SORBS2: variants seen among roughly 807,000 people sequenced by gnomAD.
The protein encoded by SORBS2 is sorbin and SH3 domain-containing protein 2.
In SORBS2, 46 loss-of-function variants were observed where a neutral mutation model predicts 97.7. The observed-to-expected ratio is 0.47, with a 90% CI of 0.37 to 0.60. The LOEUF (loss-of-function observed/expected upper bound fraction) is 0.60. Ranked by LOEUF, SORBS2 falls within the 20% of genes least tolerant of loss-of-function variation. The pLI is 0.00. For missense variants in SORBS2, 1,316 were observed against 1,282.3 expected (o/e 1.03, Z -0.40); for synonymous variants, 476 against 473.4 (o/e 1.01, Z -0.07).
At chr4:185,668,024 CT>C (rs1319462002) in intron 4 of SORBS2, among the ~76,000 whole-genome samples, 1 of 152,108 alleles carries the variant, frequency 6.6e-6, no homozygotes, top group Non-Finnish European at 1.5e-5. Context: ...ATACGAATCT[CT>C]TTTTAGTTTT....
intron 2 of SORBS2, among the ~76,000 whole-genome samples, chr4:185,711,090 C>T (rs1217942076): frequency 6.6e-6 from 1 of 152,130 alleles, no homozygotes; most frequent in African/African-American, 2.4e-5. Context: ...CCACCTCAGC[C>T]TCTTGAGTAG....
chr4:185,714,302 C>T (rs1583280289), intron 2 of SORBS2, among the ~76,000 whole-genome samples: 2 of 152,208 alleles, frequency 1.3e-5, no homozygotes, highest in African/African-American at 2.4e-5. Context: ...TTCAGCTTCA[C>T]GTCATCCCAT....
chr4:185,670,338 T>C (rs1319284900), intron 4 of SORBS2, among the ~76,000 whole-genome samples: 1 of 152,188 alleles, frequency 6.6e-6, no homozygotes, highest in African/African-American at 2.4e-5. Context: ...TTAAACATTC[T>C]AGGAAAAAGC....
At chr4:185,649,035 G>T (rs190724949) in intron 3 of SORBS2, among the ~76,000 whole-genome samples, 2 of 152,288 alleles carry the variant, frequency 1.3e-5, no homozygotes, top group Admixed American at 1.3e-4. Context: ...GTAGAAACAA[G>T]TCACAGACAC....
intron 1 of SORBS2, among the ~76,000 whole-genome samples, chr4:185,804,841 G>C (rs1451220754): frequency 6.6e-6 from 1 of 151,612 alleles, no homozygotes; most frequent in African/African-American, 2.4e-5. Context: ...TATTTTGATT[G>C]ACTGTGTAAG....
At chr4:185,719,300 A>G (rs1318262790) in intron 2 of SORBS2, among the ~76,000 whole-genome samples, 1 of 152,224 alleles carries the variant, frequency 6.6e-6, no homozygotes, top group Non-Finnish European at 1.5e-5. Context: ...TGAGGTAATC[A>G]GACTTGCCGG....
Position 185,671,846 on chromosome 4 carries a change from C to A in SORBS2, c.-46+6577G>T, listed in dbSNP as rs575213203. 4.6e-5 allele frequency among the ~76,000 whole-genome samples: 7 copies of A among 152,360 alleles called. No homozygotes were observed. In the South Asian group the frequency reaches 1.5e-3, roughly 32 times the overall value. ...ACTGGACTGCTGCCTTGGAATGTAA[C>A]TGAGCTCTTCATTAAGTGTATTCAG... On this transcript the variant is annotated intron_variant, in intron 4 of 20. Coordinates refer to the SORBS2 transcript ENST00000284776.
chr4:185,902,658 G>C (rs1211933977), intron 1 of SORBS2, among the ~76,000 whole-genome samples: 2 of 148,304 alleles, frequency 1.3e-5, no homozygotes, highest in Non-Finnish European at 3.0e-5. Flanking sequence ...GTGTGAGGAA[G>C]AGGTTAGAGA....
chr4:185,661,278 A>G (rs1214700023), upstream of SORBS2, among the ~76,000 whole-genome samples: 1 of 56,090 alleles, frequency 1.8e-5, no homozygotes, highest in Non-Finnish European at 5.5e-5. Context: ...TCCATCTTGA[A>G]AAAAAAAAAA....
intron 1 of SORBS2, among the ~76,000 whole-genome samples, chr4:185,924,355 A>G (rs2099262460): frequency 6.6e-6 from 1 of 152,032 alleles, no homozygotes; most frequent in Non-Finnish European, 1.5e-5. Context: ...ACTTCGTTAT[A>G]GGAGTTAATA....
At chr4:185,646,140 C>G (rs1393045581) in intron 4 of SORBS2, 1 of 152,056 alleles carries the variant, frequency 6.6e-6, no homozygotes, top group Non-Finnish European at 1.5e-5. Context: ...AAAATTCTCC[C>G]TTCATCCAAA....
intron 2 of SORBS2, among the ~76,000 whole-genome samples, chr4:185,746,657 A>G (rs1039239): frequency 0.79 from 120,772 of 152,116 alleles, 48,369 homozygotes; most frequent in African/African-American, 0.85. Flanking sequence ...TGGAGTTAGC[A>G]GTCCCAGACC....
intron 1 of SORBS2, among the ~76,000 whole-genome samples, chr4:185,903,826 C>T (rs1237620445): frequency 6.6e-6 from 1 of 152,122 alleles, no homozygotes; most frequent in Admixed American, 6.5e-5. Context: ...TTCAAGGGAA[C>T]TACTGAATGG....
At chr4:185,938,062 TGC>T (rs1216692880) in intron 1 of SORBS2, among the ~76,000 whole-genome samples, 2 of 143,990 alleles carry the variant, frequency 1.4e-5, no homozygotes, top group African/African-American at 5.2e-5. Flanking sequence ...CAGGCTGGAG[TGC>T]AGTGGCATGA....
chr4:185,777,990 T>C (rs2099008349), intron 1 of SORBS2, among the ~76,000 whole-genome samples: 1 of 152,232 alleles, frequency 6.6e-6, no homozygotes, highest in African/African-American at 2.4e-5. Context: ...CATATCATTT[T>C]TATATTGACC....
At chr4:185,590,789 A>C (rs890380535) in intron 13 of SORBS2, among the ~76,000 whole-genome samples, 1 of 152,214 alleles carries the variant, frequency 6.6e-6, no homozygotes, top group African/African-American at 2.4e-5. Context: ...GTAGCTGAGA[A>C]GGTCAAGAAG....
intron 2 of SORBS2, chr4:185,774,052 TC>T (rs1409639719): frequency 2.0e-5 from 3 of 152,110 alleles, no homozygotes; most frequent in Admixed American, 2.0e-4. Flanking sequence ...ATGCATGCTT[TC>T]CTTTGATATG....
At chr4:185,667,442 G>A (rs531831621) in intron 4 of SORBS2, among the ~76,000 whole-genome samples, 2 of 151,984 alleles carry the variant, frequency 1.3e-5, no homozygotes, top group Non-Finnish European at 2.9e-5. Context: ...ATATAAAAAG[G>A]TCTCTCTGAA....
At chr4:185,678,440 T>C (rs2097826669) in exon 4 of SORBS2, 8 of 1,550,340 alleles carry the variant, frequency 5.2e-6, no homozygotes, top group African/African-American at 1.4e-5. Context: ...GGTGATCTTT[T>C]ATCTTGTAGG....
Sources: gnomAD v4.1 joint callset for allele counts (sites outside exome capture counted in the v4.1 genomes callset) on GRCh38, gnomAD v4.1.1 for gene constraint, MANE v1.5 for transcripts, NCBI Gene and HGNC (gene_info 2026-07-23, HGNC 2026-07-21) for gene names.